Variants in GPATCH2 observed in about 807,000 individuals in gnomAD.
GPATCH2 encodes the protein G-patch domain containing 2, also known as G patch domain-containing protein 2.
A neutral mutation model predicts 58.0 loss-of-function variants in GPATCH2; 51 were observed. The observed-to-expected ratio is 0.88, with a 90% confidence interval of 0.70 to 1.11. The LOEUF (loss-of-function observed/expected upper bound fraction) is 1.11, where lower values mean the gene tolerates loss of function less well. Ranked by LOEUF, GPATCH2 falls within the 50% of genes most tolerant of loss-of-function variation. GPATCH2 has a pLI of 0.00. For synonymous variants in GPATCH2, 222 were observed against 218.5 expected, an observed-to-expected ratio of 1.02 and a Z score of -0.14; for missense variants, 625 against 652.2, an observed-to-expected ratio of 0.96 and a Z score of 0.45.
At chr1:217,508,317 A>G (rs554373254) in intron 6 of GPATCH2, among the ~76,000 whole-genome samples, 16 of 152,272 alleles carry the variant, frequency 1.1e-4, no homozygotes, top group African/African-American at 3.8e-4. Context: ...TGCTTTAAGC[A>G]AACTCGATAT....
chr1:217,600,424 T>G (rs1330736682), intron 5 of GPATCH2, among the ~76,000 whole-genome samples: 2 of 152,158 alleles, frequency 1.3e-5, no homozygotes, highest in African/African-American at 4.8e-5. Flanking sequence ...CACCTTCAGT[T>G]GGAGGACTTG....
chr1:217,431,434 C>T (rs1246909105), intron 9 of GPATCH2, 69 bp from the exon 10 acceptor site: 6 of 928,398 alleles, frequency 6.5e-6, no homozygotes, highest in Admixed American at 1.8e-5. Flanking sequence ...GCTATGAAAA[C>T]GATGTTCTCC....
chr1:217,531,064 C>T lies in GPATCH2; in HGVS notation c.1099-16175G>A, dbSNP rs189839540. On this transcript the variant is annotated intron_variant, in intron 5 of 9. Coordinates refer to ENST00000366935, the MANE Select transcript of GPATCH2 (RefSeq NM_018040.5). ...ACACAAACACACACACACACACACA[C>T]ACACACACTTTATTTAATTTTATAC... Among the ~76,000 whole-genome samples, 43 of 104,344 alleles carry T rather than the reference C, an allele frequency of 4.1e-4. No individual in the cohort carries two copies. In the East Asian group the frequency reaches 0.018, roughly 43 times the overall value. 68.5% of individuals were successfully genotyped at this position (104,344 alleles called of 152,430 possible).
chr1:217,495,098 A>G, intron 7 of GPATCH2: 1 of 575,870 alleles, frequency 1.7e-6, no homozygotes, highest in Non-Finnish European at 2.2e-6. Context: ...ATTAAAAAAT[A>G]ACTCATATAA....
At chr1:217,553,518 T>C (rs1571907843) in intron 5 of GPATCH2, among the ~76,000 whole-genome samples, 1 of 152,138 alleles carries the variant, frequency 6.6e-6, no homozygotes, top group African/African-American at 2.4e-5. Flanking sequence ...ATTGTAATTG[T>C]AAGAATATGT....
intron 5 of GPATCH2, among the ~76,000 whole-genome samples, chr1:217,597,344 T>C (rs1667886594): frequency 1.5e-5 from 2 of 134,322 alleles, no homozygotes; most frequent in Non-Finnish European, 3.2e-5. Flanking sequence ...TCTTGTCTCT[T>C]AAAAAAAAAA....
In GPATCH2 at chr1:217,563,710, G is replaced by T. The variant is rs975643976; in HGVS notation, c.1098+46611C>A. ...ACAAATATTGCTATCTCTAACTACA[G>T]TTATATAGACACGTCAGAAGAATGA... On this transcript the variant is annotated intron_variant, in intron 5 of 9. Transcript: ENST00000366935. Among the ~76,000 whole-genome samples, 4 of 152,130 alleles carry T rather than the reference G, an allele frequency of 2.6e-5. No homozygotes were observed. In the South Asian group the frequency reaches 8.3e-4, roughly 32 times the overall value.
chr1:217,490,572 C>T, intron 8 of GPATCH2, among the ~76,000 whole-genome samples: 1 of 152,120 alleles, frequency 6.6e-6, no homozygotes, highest in East Asian at 1.9e-4. Context: ...ATACTATATT[C>T]TGGCTCATTC....
At chr1:217,538,017 C>T (rs1435794411) in intron 5 of GPATCH2, among the ~76,000 whole-genome samples, 3 of 152,050 alleles carry the variant, frequency 2.0e-5, no homozygotes, top group South Asian at 2.1e-4. Flanking sequence ...GAAATAAGTA[C>T]AAAACTATTC....
intron 9 of GPATCH2, among the ~76,000 whole-genome samples, chr1:217,433,330 T>TAAACGG (rs1445445223): frequency 6.7e-6 from 1 of 149,984 alleles, no homozygotes; most frequent in Admixed American, 6.7e-5. Context: ...GTTACCCAAA[T>TAAACGG]GGCCAATTTA....
chr1:217,521,068 G>A (rs1048279871), intron 5 of GPATCH2, among the ~76,000 whole-genome samples: 3 of 152,140 alleles, frequency 2.0e-5, no homozygotes, highest in African/African-American at 7.2e-5. Flanking sequence ...CTGGTCTTGA[G>A]CTTCCAGCCT....
intron 5 of GPATCH2, among the ~76,000 whole-genome samples, chr1:217,590,024 CTT>C (rs771810707): frequency 1.4e-4 from 20 of 138,484 alleles, no homozygotes; most frequent in Non-Finnish European, 1.9e-4. Context: ...TGTACAACGT[CTT>C]TTTTTTTTTT....
At chr1:217,528,155 A>G (rs1016337558) in intron 5 of GPATCH2, among the ~76,000 whole-genome samples, 3 of 152,184 alleles carry the variant, frequency 2.0e-5, no homozygotes, top group Non-Finnish European at 4.4e-5. Context: ...ATGGAAAATA[A>G]TGGTTGGATA....
chr1:217,433,930 T>C (rs144652449), intron 9 of GPATCH2, among the ~76,000 whole-genome samples: 6 of 152,314 alleles, frequency 3.9e-5, no homozygotes, highest in African/African-American at 1.4e-4. Flanking sequence ...TTATTTACTA[T>C]GGAGTAGTCA....
intron 5 of GPATCH2, among the ~76,000 whole-genome samples, chr1:217,589,318 C>T (rs1667486015): frequency 6.6e-6 from 1 of 151,818 alleles, no homozygotes; most frequent in South Asian, 2.1e-4. Context: ...AGACACCATG[C>T]TGCTTTATGA....
chr1:217,573,678 G>A (rs1044300024), intron 5 of GPATCH2, among the ~76,000 whole-genome samples: 6 of 152,140 alleles, frequency 3.9e-5, no homozygotes, highest in Admixed American at 1.3e-4. Context: ...TAAACTTTAC[G>A]AGTCAGATAT....
chr1:217,473,557 C>A (rs1660833713), intron 8 of GPATCH2, among the ~76,000 whole-genome samples: 1 of 151,366 alleles, frequency 6.6e-6, no homozygotes, highest in African/African-American at 2.4e-5. Flanking sequence ...CTGAGACATG[C>A]ATAAAATATT....
At chr1:217,547,057 C>T (rs556069464) in intron 5 of GPATCH2, among the ~76,000 whole-genome samples, 2 of 152,064 alleles carry the variant, frequency 1.3e-5, no homozygotes, top group Non-Finnish European at 2.9e-5. Flanking sequence ...TATCTCACAC[C>T]AGTCAGAACA....
At chr1:217,549,186 T>A (rs919185923) in intron 5 of GPATCH2, among the ~76,000 whole-genome samples, 1 of 152,164 alleles carries the variant, frequency 6.6e-6, no homozygotes, top group Non-Finnish European at 1.5e-5. Flanking sequence ...ACAAAACCAT[T>A]TACTGAGAAC....
Sources: gnomAD v4.1 joint callset for allele counts (sites outside exome capture counted in the v4.1 genomes callset) on GRCh38, gnomAD v4.1.1 for gene constraint, MANE v1.5 for transcripts, NCBI Gene and HGNC (gene_info 2026-07-23, HGNC 2026-07-21) for gene names.